AP2A2: variants seen among roughly 807,000 people sequenced by gnomAD.
The protein encoded by AP2A2 is adaptor related protein complex 2 subunit alpha 2, also known as AP-2 complex subunit alpha-2.
A neutral mutation model predicts 104.2 loss-of-function variants in AP2A2; 32 were observed. That is an observed-to-expected ratio of 0.31 (90% CI 0.23 to 0.41). The LOEUF is 0.41. Among genes scored for constraint, AP2A2 ranks in the 10% least tolerant of loss-of-function variants. AP2A2 has a pLI of 1.00. For missense variants in AP2A2, 912 were observed against 1,261.0 expected (o/e 0.72, Z 4.19); for synonymous variants, 539 against 533.3 (o/e 1.01, Z -0.15).
intron 16 of AP2A2, among the ~76,000 whole-genome samples, chr11:1,006,256 C>T (rs115049891): frequency 0.024 from 3,602 of 152,322 alleles, 153 homozygotes; most frequent in African/African-American, 0.081. Context: ...TCTCACCCAT[C>T]CCGTGTGGGT....
At chr11:933,303 G>C (rs1853348584) in intron 1 of AP2A2, among the ~76,000 whole-genome samples, 1 of 152,068 alleles carries the variant, frequency 6.6e-6, no homozygotes. Flanking sequence ...GAAATGAACA[G>C]TTTTTACCAG....
chr11:987,238 G>T (rs975604789), intron 9 of AP2A2, among the ~76,000 whole-genome samples: 2 of 152,236 alleles, frequency 1.3e-5, no homozygotes, highest in African/African-American at 4.8e-5. Flanking sequence ...CATCCTGCGC[G>T]TGCATAGTGC....
chr11:927,691 C>T (rs918832812), intron 1 of AP2A2, among the ~76,000 whole-genome samples: 1 of 151,564 alleles, frequency 6.6e-6, no homozygotes, highest in African/African-American at 2.4e-5. Flanking sequence ...TTGGTGTACA[C>T]ATCTATAGTC....
At chr11:983,796 A>G (rs1481246514) in intron 6 of AP2A2, among the ~76,000 whole-genome samples, 1 of 152,168 alleles carries the variant, frequency 6.6e-6, no homozygotes, top group African/African-American at 2.4e-5. Context: ...TTAGGTGCGT[A>G]CTTGTTTGAG....
intron 5 of AP2A2, among the ~76,000 whole-genome samples, chr11:977,679 G>A (rs117967707): frequency 0.068 from 10,368 of 151,788 alleles, 427 homozygotes; most frequent in South Asian, 0.11. Flanking sequence ...GCTGTGAGAG[G>A]CACGTGTGGG....
intron 2 of AP2A2, among the ~76,000 whole-genome samples, chr11:966,284 G>C (rs930032643): frequency 1.3e-5 from 2 of 152,254 alleles, no homozygotes; most frequent in Admixed American, 1.3e-4. Context: ...CTTAAGCTCA[G>C]GAGTTCAAGA....
chr11:940,807 G>A lies in AP2A2; in HGVS notation c.67+14719G>A, dbSNP rs1322130776. ...CTGCCAACCTGAAGGGCTTTGGCAG[G>A]GGCCTTCGCTGCAGGGTGAGGTCTG... On this transcript the variant is annotated intron_variant, in intron 1 of 21. Transcript: ENST00000448903. 8.8e-6 allele frequency: 4 copies of A among 456,304 alleles called. No individual in the cohort carries two copies. In the Admixed American group the frequency reaches 9.4e-5, roughly 11 times the overall value. 28.3% of individuals were successfully genotyped at this position (456,304 alleles called of 1,614,324 possible).
intron 17 of AP2A2, chr11:1,006,837 T>G (rs1346464953): frequency 1.8e-6 from 1 of 556,454 alleles, no homozygotes; most frequent in Non-Finnish European, 3.2e-6. Context: ...ATCATGCACC[T>G]AAAAATACCG....
At chr11:932,664 A>G (rs188638387) in intron 1 of AP2A2, 1 of 455,798 alleles carries the variant, frequency 2.2e-6, no homozygotes, top group East Asian at 6.9e-5. Flanking sequence ...GTGGCTATGG[A>G]GAGAAGGAAG....
chr11:928,806 T>C (rs1853200579), intron 1 of AP2A2, among the ~76,000 whole-genome samples: 1 of 152,202 alleles, frequency 6.6e-6, no homozygotes, highest in African/African-American at 2.4e-5. Flanking sequence ...CCTCTTTCCC[T>C]CATTGCTGTT....
chr11:929,505 G>A (rs761660959), intron 1 of AP2A2, among the ~76,000 whole-genome samples: 24 of 152,238 alleles, frequency 1.6e-4, no homozygotes, highest in Admixed American at 3.3e-4. Context: ...GCTGACGCTT[G>A]AAGGGGCGGA....
chr11:930,824 A>G (rs550190900), intron 1 of AP2A2, among the ~76,000 whole-genome samples: 68 of 152,080 alleles, frequency 4.5e-4, no homozygotes, highest in Non-Finnish European at 8.7e-4. Flanking sequence ...CTGGTGCCCT[A>G]CCTTTCTTAA....
At position 971,688 on chromosome 11, in the gene AP2A2, C is replaced by T. The variant is rs114924081; in HGVS notation, c.280-374C>T. 8.9e-3 allele frequency among the ~76,000 whole-genome samples: 1,359 copies of T among 152,266 alleles called. 27 individuals are homozygous for T. The highest frequency in any genetic ancestry group is 0.031 in the African/African-American group (1,305 of 41,550). On this transcript the variant is annotated intron_variant, in intron 3 of 21. Transcript: ENST00000448903. ...AAATTGTTGTAGCTAAAATCAGCCT[C>T]TCAGTGAAGGTTCCTGCCCATCTTA...
chr11:979,204 C>G lies in AP2A2; in HGVS notation c.603+1980C>G, dbSNP rs544245724. On this transcript the variant is annotated intron_variant, in intron 5 of 21. Transcript: ENST00000448903. The stretch of plus-strand genomic sequence containing the variant: ...GTCCTAAATGAGAGGCTGAGCTCCG[C>G]GCCTGTCAGCCTGTTGCAGGGGGCA... Among the ~76,000 whole-genome samples, 3 of 150,360 alleles carry G rather than the reference C, an allele frequency of 2.0e-5. No homozygotes were observed. The South Asian group carries it at 6.5e-4, about 32-fold the overall frequency.
At position 940,958 on chromosome 11, in the gene AP2A2, G is replaced by T. The variant is rs117397555; in HGVS notation, c.67+14870G>T. ...CTGGGATGGGGCATCTCACCCCTCG[G>T]GGAGTCTGTCACTGCGCTGTGCTGC... On this transcript the variant is annotated intron_variant, in intron 1 of 21. Coordinates refer to ENST00000448903, the MANE Select transcript of AP2A2 (RefSeq NM_012305.4). 4.6e-3 allele frequency: 2,080 copies of T among 456,004 alleles called. 5 individuals carry two copies. The highest frequency in any genetic ancestry group is 7.6e-3 in the Non-Finnish European group (1,714 of 226,740). 28.2% of individuals were successfully genotyped at this position (456,004 alleles called of 1,614,324 possible).
In AP2A2 at chr11:1,008,445, C is replaced by G. The variant is rs372668688; in HGVS notation, c.2420+310C>G. ...CAGCCAGGGCCCCCGCGCCACCTGC[C>G]CGGCTTGGTACCAGACGACAGCTGT... On this transcript the variant is annotated intron_variant, in intron 18 of 21. Coordinates refer to ENST00000448903, the MANE Select transcript of AP2A2 (RefSeq NM_012305.4). 246 of 320,526 alleles carry G rather than the reference C, an allele frequency of 7.7e-4. 3 individuals are homozygous for G. The highest frequency in any genetic ancestry group is 5.0e-3 in the African/African-American group (232 of 45,996). 19.9% of individuals were successfully genotyped at this position (320,526 alleles called of 1,614,324 possible). A position where few individuals can be genotyped will look rare whatever the true frequency, so the allele number is the denominator to read the frequency against.
In AP2A2 at chr11:1,000,489, G is replaced by T. The variant is rs774676839; in HGVS notation, c.2014G>T (p.Ala672Ser). 1.9e-6 allele frequency: 3 copies of T among 1,539,300 alleles called. No homozygotes were observed. The highest frequency in any genetic ancestry group is 2.4e-5 in the East Asian group (1 of 41,024). The change falls in exon 15 of 22, where the codon GCG becomes TCG. Residue 672 changes from alanine (A) to serine (S), a missense_variant. Physicochemically the swap from Ala to Ser is moderately conservative, Grantham distance 99. Coordinates refer to ENST00000448903, the MANE Select transcript of AP2A2 (RefSeq NM_012305.4). ...LGLGAAPPAPAGPPPSSGGSG... is the reference protein window; with the variant it reads ...LGLGAAPPAPSGPPPSSGGSG... ...TCTCGGGGCTGCCCCCCCTGCCCCC[G>T]CGGGCCCCCCACCCTCCTCCGGCGG...
chr11:937,055 CTG>C (rs2134467964), intron 1 of AP2A2, among the ~76,000 whole-genome samples: 2 of 152,006 alleles, frequency 1.3e-5, no homozygotes, highest in Non-Finnish European at 2.9e-5. Flanking sequence ...GATGGAGTCT[CTG>C]TCGCCCAGGC....
chr11:1,002,677 C>G (rs1019138648), intron 15 of AP2A2, among the ~76,000 whole-genome samples: 2 of 152,280 alleles, frequency 1.3e-5, no homozygotes, highest in Non-Finnish European at 2.9e-5. Flanking sequence ...CTTCCTCTGT[C>G]TTCCTGGCCT....
Sources: allele counts gnomAD v4.1 joint callset (sites outside exome capture counted in the v4.1 genomes callset), GRCh38; gene constraint gnomAD v4.1.1; transcripts MANE v1.5; gene names NCBI Gene and HGNC (gene_info 2026-07-23, HGNC 2026-07-21).